The following MCMBP variants were observed in gnomAD, a reference collection of about 807,000 sequenced individuals.
The protein encoded by MCMBP is minichromosome maintenance complex binding protein, also known as mini-chromosome maintenance complex-binding protein.
Under a neutral mutation model 81.3 loss-of-function variants are expected in MCMBP, and 31 were observed. The observed-to-expected ratio is 0.38, with a 90% confidence interval of 0.29 to 0.51. MCMBP has a LOEUF of 0.51. Among genes scored for constraint, MCMBP ranks in the 20% least tolerant of loss-of-function variants. The pLI is 0.87. For missense variants in MCMBP, 645 were observed against 772.1 expected, an observed-to-expected ratio of 0.84 and a Z score of 1.95; for synonymous variants, 267 against 275.9, an observed-to-expected ratio of 0.97 and a Z score of 0.32.
chr10:119,871,126 C>G (rs1189510175), intron 1 of MCMBP, among the ~76,000 whole-genome samples: 1 of 152,120 alleles, frequency 6.6e-6, no homozygotes, highest in Admixed American at 6.5e-5. Context: ...CCTTTAAGCA[C>G]CAAACCTTTT....
intron 9 of MCMBP, 196 bp from the exon 10 acceptor site, chr10:119,842,791 TTTTGCTC>T: frequency 2.0e-6 from 1 of 497,348 alleles, no homozygotes; most frequent in Non-Finnish European, 3.4e-6. Flanking sequence ...TGAGACCAAG[TTTTGCTC>T]TTTTTGCCTA....
At chr10:119,840,988 G>A (rs1852412222) in intron 10 of MCMBP, 28 bp from the exon 11 acceptor site, 1 of 1,305,824 alleles carries the variant, frequency 7.7e-7, no homozygotes, top group East Asian at 2.3e-5. Context: ...CAATCAATAA[G>A]ATGCTGAAGT....
rs952237823 is a variant in MCMBP, at chr10:119,831,217, A to G, written c.*257T>C. On this transcript the variant is annotated 3_prime_UTR_variant, in exon 16 of 16. Transcript: ENST00000369077. ...CAACATTATCAATATTAAACTTTTAATATCAAATACTTTTTTTACATCATT... is the reference window on the plus strand; with the variant it reads ...CAACATTATCAATATTAAACTTTTAGTATCAAATACTTTTTTTACATCATT... The G allele has an allele frequency of 2.2e-5, 5 of 228,440 alleles. No homozygotes were observed. The highest frequency in any genetic ancestry group is 3.4e-5 in the Non-Finnish European group (4 of 118,592). 14.2% of individuals were successfully genotyped at this position (228,440 alleles called of 1,614,324 possible).
In MCMBP at chr10:119,859,480, G is replaced by C. The variant is rs978650294; in HGVS notation, c.145-299C>G. On this transcript the variant is annotated intron_variant, in intron 2 of 15. Coordinates refer to ENST00000369077, the MANE Select transcript of MCMBP (RefSeq NM_001256378.2). ...TGATCAAAAAGGCATTTACTTTGTT[G>C]AGCTCTTCTCTTAAAACTAGCACAT... Among the ~76,000 whole-genome samples the C allele has an allele frequency of 3.3e-5, 5 of 152,212 alleles. No homozygotes were observed. The East Asian group carries it at 5.8e-4, about 18-fold the overall frequency.
In MCMBP at chr10:119,831,070, G is replaced by A. The variant is rs1852015221; in HGVS notation, c.*404C>T. ...TGTGAACTGGAAAAACAGAGAACTA[G>A]AAAACATAAGAAATCCGAAGCACGA... On this transcript the variant is annotated 3_prime_UTR_variant, in exon 16 of 16. Transcript: ENST00000369077. 6.4e-6 allele frequency: 1 copy of A among 156,384 alleles called. No individual in the cohort carries two copies. Among genetic ancestry groups the A allele is most frequent in the African/African-American group, 2.4e-5 (1 of 41,458 alleles). The allele number at this position is 156,384 out of a possible 1,614,324, so 9.7% of individuals were successfully genotyped here.
At chr10:119,841,632 C>T (rs1852436645) in intron 10 of MCMBP, among the ~76,000 whole-genome samples, 1 of 152,136 alleles carries the variant, frequency 6.6e-6, no homozygotes, top group Non-Finnish European at 1.5e-5. Flanking sequence ...CATATGTAAA[C>T]AAAAACCAAT....
At position 119,830,901 on chromosome 10, in the gene MCMBP, CTGT is replaced by C. The variant is rs146248670; in HGVS notation, c.*570_*572del. On this transcript the variant is annotated 3_prime_UTR_variant, in exon 16 of 16. Coordinates refer to ENST00000369077, the MANE Select transcript of MCMBP (RefSeq NM_001256378.2). ...CCATGTACAAGTTTAGTTTTGCAGG[CTGT>C]TAACAAATGTTAAGTGGGAAAAAGT... 6.6e-6 allele frequency: 1 copy of C among 152,550 alleles called. No homozygotes were observed. Among genetic ancestry groups the C allele is most frequent in the African/African-American group, 2.4e-5 (1 of 41,398 alleles). The allele number at this position is 152,550 out of a possible 1,614,324, so 9.4% of individuals were successfully genotyped here.
intron 8 of MCMBP, among the ~76,000 whole-genome samples, chr10:119,845,954 TCA>T (rs1205810219): frequency 1.3e-5 from 2 of 152,232 alleles, no homozygotes; most frequent in South Asian, 2.1e-4. Context: ...CCATGGTTTT[TCA>T]CAGACATTAG....
In MCMBP at chr10:119,866,541, G is replaced by A. The variant is rs541035446; in HGVS notation, c.58+5986C>T. Reference sequence around the variant, plus strand: ...CTTGGGAGGCTGAGGCAAGAGAATCGCTTGAACCCGGTAAGCAGAGGTTGC... The same window carrying A: ...CTTGGGAGGCTGAGGCAAGAGAATCACTTGAACCCGGTAAGCAGAGGTTGC... On this transcript the variant is annotated intron_variant, in intron 1 of 15. Coordinates refer to ENST00000369077, the MANE Select transcript of MCMBP (RefSeq NM_001256378.2). 3.9e-5 allele frequency among the ~76,000 whole-genome samples: 6 copies of A among 152,194 alleles called. No homozygotes were observed. The South Asian group carries it at 8.3e-4, about 21-fold the overall frequency.
At chr10:119,835,732 TTC>T in intron 13 of MCMBP, 28 bp from the exon 14 acceptor site, 1 of 1,610,812 alleles carries the variant, frequency 6.2e-7, no homozygotes, top group South Asian at 1.1e-5. Flanking sequence ...ACACTGTATT[TTC>T]TGAGTTCCTA....
At chr10:119,851,120 G>A (rs911245399) in intron 6 of MCMBP, among the ~76,000 whole-genome samples, 18 of 151,846 alleles carry the variant, frequency 1.2e-4, no homozygotes, top group South Asian at 2.1e-4. Flanking sequence ...TGCCTGCCTC[G>A]GCCTCCTGAA....
At chr10:119,854,540 A>AAAATAAAT (rs138139742) in intron 5 of MCMBP, among the ~76,000 whole-genome samples, 10,132 of 140,670 alleles carry the variant, frequency 0.072, 392 homozygotes, top group South Asian at 0.11. Flanking sequence ...CCCTGTCTCA[A>AAAATAAAT]AAATAAATAA....
intron 5 of MCMBP, among the ~76,000 whole-genome samples, chr10:119,856,402 C>A (rs1173163025): frequency 6.6e-6 from 1 of 152,178 alleles, no homozygotes; most frequent in Non-Finnish European, 1.5e-5. Context: ...ACTACTGATA[C>A]ACACATGACT....
intron 14 of MCMBP, among the ~76,000 whole-genome samples, chr10:119,834,737 T>TG (rs1231494290): frequency 6.6e-6 from 1 of 151,392 alleles, no homozygotes; most frequent in African/African-American, 2.4e-5. Flanking sequence ...GGCACATGCC[T>TG]GTGGTCCCAA....
chr10:119,849,699 G>T, intron 6 of MCMBP, 123 bp from the exon 7 acceptor site: 2 of 853,672 alleles, frequency 2.3e-6, no homozygotes, highest in Non-Finnish European at 3.4e-6. Context: ...AGTTCAAGTT[G>T]TTACAGTTTT....
At chr10:119,836,821 G>A (rs1022356410) in intron 13 of MCMBP, 75 bp downstream of exon 13, 23 of 614,374 alleles carry the variant, frequency 3.7e-5, no homozygotes, top group African/African-American at 1.3e-4. Context: ...ATTAATAAGC[G>A]GTACCAAGAA....
chr10:119,854,986 T>C (rs1323145578), intron 5 of MCMBP, among the ~76,000 whole-genome samples: 1 of 150,966 alleles, frequency 6.6e-6, no homozygotes, highest in East Asian at 1.9e-4. Context: ...AATAAAATCA[T>C]AATCATAATA....
chr10:119,834,861 CAAAAAAAA>C (rs71019725), intron 14 of MCMBP, among the ~76,000 whole-genome samples: 12 of 67,282 alleles, frequency 1.8e-4, no homozygotes, highest in African/African-American at 7.6e-4. Flanking sequence ...GACCCTGTCT[CAAAAAAAA>C]AAAAAAAAAA....
intron 7 of MCMBP, among the ~76,000 whole-genome samples, chr10:119,848,660 C>T (rs1852705341): frequency 6.6e-6 from 1 of 152,044 alleles, no homozygotes; most frequent in Non-Finnish European, 1.5e-5. Context: ...CCAAAATGCA[C>T]AAAGAATAAG....
Sources: gnomAD v4.1 joint callset for allele counts (sites outside exome capture counted in the v4.1 genomes callset) on GRCh38, gnomAD v4.1.1 for gene constraint, MANE v1.5 for transcripts, NCBI Gene and HGNC (gene_info 2026-07-23, HGNC 2026-07-21) for gene names.